Variants in USP24 observed in about 807,000 individuals in gnomAD.
USP24 encodes the protein ubiquitin carboxyl-terminal hydrolase 24.
Under a neutral mutation model 361.6 loss-of-function variants are expected in USP24, and 97 were observed. The ratio of observed to expected loss-of-function variants is 0.27; its 90% CI spans 0.23 to 0.32. The LOEUF (loss-of-function observed/expected upper bound fraction) is 0.32, where lower values mean the gene tolerates loss of function less well. USP24 is among the 10% of genes least tolerant of loss of function. The pLI is 1.00. For synonymous variants in USP24, 1,098 were observed against 1,124.6 expected (o/e 0.98, Z 0.47); for missense variants, 2,353 against 3,165.6 (o/e 0.74, Z 6.16).
At chr1:55,113,947 G>A (rs10159203) in intron 38 of USP24, among the ~76,000 whole-genome samples, 8,371 of 152,188 alleles carry the variant, frequency 0.055, 642 homozygotes, top group African/African-American at 0.17. Flanking sequence ...AGGGTATTCA[G>A]ATAGGAAGAC....
At chr1:55,157,075 A>C in intron 11 of USP24, 24 bp from the exon 12 acceptor site, 1 of 1,578,120 alleles carries the variant, frequency 6.3e-7, no homozygotes, top group East Asian at 2.2e-5. Flanking sequence ...CATGAGAGAG[A>C]AAGTCAGATA....
intron 1 of USP24, among the ~76,000 whole-genome samples, chr1:55,210,701 T>G (rs67276129): frequency 0.055 from 8,437 of 152,180 alleles, 268 homozygotes; most frequent in African/African-American, 0.081. Flanking sequence ...AGGACCAACT[T>G]TGGGGCTCTA....
At chr1:55,166,427 A>C in intron 6 of USP24, 141 bp downstream of exon 6, 1 of 822,290 alleles carries the variant, frequency 1.2e-6, no homozygotes, top group Non-Finnish European at 1.9e-6. Context: ...CAAAAAAAGG[A>C]AGAAAATATG....
chr1:55,125,875 T>A (rs977290344), intron 32 of USP24, 117 bp from the exon 33 acceptor site: 1 of 834,500 alleles, frequency 1.2e-6, no homozygotes, highest in Non-Finnish European at 1.8e-6. Flanking sequence ...CATGATTCTG[T>A]CATAAAAAGA....
chr1:55,153,778 A>G, intron 16 of USP24, 92 bp downstream of exon 16: 2 of 1,287,676 alleles, frequency 1.6e-6, no homozygotes, highest in Non-Finnish European at 2.2e-6. Context: ...AAACACTAAA[A>G]CATACTATTA....
intron 61 of USP24, 128 bp from the exon 62 acceptor site, chr1:55,077,428 T>C (rs1645052501): frequency 1.6e-6 from 1 of 624,616 alleles, no homozygotes; most frequent in East Asian, 3.1e-5. Flanking sequence ...TACTGCTTTC[T>C]AGGCCTTAGT....
chr1:55,120,811 G>A (rs1050225527), intron 37 of USP24, 55 bp from the exon 38 acceptor site: 1 of 1,445,608 alleles, frequency 6.9e-7, no homozygotes, highest in Non-Finnish European at 9.1e-7. Flanking sequence ...TGTTGAGACT[G>A]CTTAAAAAGT....
chr1:55,178,192 T>C lies in USP24; in HGVS notation c.325-60A>G, dbSNP rs1359669510. 7 of 1,536,848 alleles carry C rather than the reference T, an allele frequency of 4.6e-6. No homozygotes were observed. The Admixed American group carries it at 6.0e-5, about 13-fold the overall frequency. On this transcript the variant is annotated intron_variant, in intron 1 of 67. Coordinates refer to ENST00000294383, the MANE Select transcript of USP24 (RefSeq NM_015306.3). Reference sequence around the variant, plus strand: ...AACTAATTAGTGATTACTCTAAAAATTTCCTATGTAACACAGAGCAGATAC... The same window carrying C: ...AACTAATTAGTGATTACTCTAAAAACTTCCTATGTAACACAGAGCAGATAC...
rs370887232 is a variant in USP24 at position 55,153,983 on chromosome 1, T to C, written c.1813-66A>G. On this transcript the variant is annotated intron_variant, in intron 15 of 67. Transcript: ENST00000294383. Reference sequence around the variant, plus strand: ...AAGCAATACCTATAATTTCCCGATCTTGGACTTTAAGGTAAGAGCTTCCAG... The same window carrying C: ...AAGCAATACCTATAATTTCCCGATCCTGGACTTTAAGGTAAGAGCTTCCAG... The C allele has an allele frequency of 1.0e-4, 156 of 1,546,264 alleles. 1 individual carries two copies. In the African/African-American group the frequency reaches 1.8e-3, roughly 18 times the overall value.
intron 2 of USP24, among the ~76,000 whole-genome samples, chr1:55,177,130 C>A (rs1030587187): frequency 6.6e-6 from 1 of 151,118 alleles, no homozygotes; most frequent in African/African-American, 2.4e-5. Context: ...AAACAAAAAC[C>A]AAAAAACCAC....
chr1:55,096,764 T>C, intron 49 of USP24, 142 bp from the exon 50 acceptor site: 14 of 1,402,428 alleles, frequency 1.0e-5, no homozygotes, highest in Non-Finnish European at 1.3e-5. Context: ...GCAACAATTA[T>C]TTCAATTTCT....
intron 36 of USP24, among the ~76,000 whole-genome samples, chr1:55,122,538 G>C (rs1339889848): frequency 6.6e-6 from 1 of 152,168 alleles, no homozygotes; most frequent in African/African-American, 2.4e-5. Flanking sequence ...TTGCTGAGTA[G>C]AGAATAAACT....
chr1:55,079,156 G>A (rs1645091335), intron 60 of USP24, among the ~76,000 whole-genome samples: 1 of 152,146 alleles, frequency 6.6e-6, no homozygotes, highest in Non-Finnish European at 1.5e-5. Context: ...GGAGAGCTGA[G>A]AGCAGCCCAC....
At chr1:55,077,153 A>T in intron 62 of USP24, 82 bp downstream of exon 62, 2 of 1,230,972 alleles carry the variant, frequency 1.6e-6, no homozygotes, top group Non-Finnish European at 2.2e-6. Context: ...AAATAATAAA[A>T]AGACATATAA....
chr1:55,146,990 C>A lies in USP24; in HGVS notation c.2189G>T (p.Arg730Leu). The change falls in exon 19 of 68, where the codon CGT becomes CTT. Residue 730 changes from arginine to leucine, a missense_variant. Arg to Leu is a moderately radical substitution (Grantham distance 102). Transcript: ENST00000294383. Reference sequence around the variant, plus strand: ...AAGACACTCCCAGATCTCCTTGGCACGATTCCAGCCCAGATACAGAGTAGC... The same window carrying A: ...AAGACACTCCCAGATCTCCTTGGCAAGATTCCAGCCCAGATACAGAGTAGC... Reference protein sequence around the residue: ...QEATLYLGWNRAKEIWECLVT... With the variant: ...QEATLYLGWNLAKEIWECLVT... 2.5e-6 allele frequency: 4 copies of A among 1,609,260 alleles called. No individual in the cohort carries two copies. The highest frequency in any genetic ancestry group is 2.5e-6 in the Non-Finnish European group (3 of 1,177,832).
chr1:55,164,102 A>T (rs1298709613), intron 7 of USP24, among the ~76,000 whole-genome samples: 4 of 152,028 alleles, frequency 2.6e-5, no homozygotes, highest in African/African-American at 9.7e-5. Flanking sequence ...ATGGTATACC[A>T]TTTGCAGAAA....
At chr1:55,128,358 G>A (rs184152067) in intron 32 of USP24, among the ~76,000 whole-genome samples, 3 of 152,190 alleles carry the variant, frequency 2.0e-5, no homozygotes, top group Admixed American at 6.5e-5. Context: ...CTTAGTAACT[G>A]CCTGTTTTTT....
rs529869375 is a variant in USP24, at chr1:55,132,493, TA to T, written c.3537+51del. ...TCTGACATCTGAAAGCATGAATCGA[TA>T]AATCCAAATAGACCTGTCAAAATGA... is the stretch of plus-strand genomic sequence containing the variant. On this transcript the variant is annotated intron_variant, in intron 31 of 67. Coordinates refer to ENST00000294383, the MANE Select transcript of USP24 (RefSeq NM_015306.3). 155 of 1,537,956 alleles carry T rather than the reference TA, an allele frequency of 1.0e-4. No homozygotes were observed. In the African/African-American group the frequency reaches 2.1e-3, roughly 20 times the overall value.
intron 20 of USP24, among the ~76,000 whole-genome samples, chr1:55,144,422 C>G (rs1371335898): frequency 6.6e-6 from 1 of 152,106 alleles, no homozygotes; most frequent in Non-Finnish European, 1.5e-5. Flanking sequence ...GAAAAGACAA[C>G]TCACATAATG....
Sources: gnomAD v4.1 joint callset for allele counts (sites outside exome capture counted in the v4.1 genomes callset) on GRCh38, gnomAD v4.1.1 for gene constraint, MANE v1.5 for transcripts, NCBI Gene and HGNC (gene_info 2026-07-23, HGNC 2026-07-21) for gene names.